NUMB: variants seen among roughly 807,000 people sequenced by gnomAD.
The protein encoded by NUMB is NUMB endocytic adaptor protein, also known as protein numb homolog.
NUMB carries 29 observed loss-of-function variants against 59.7 expected under a neutral mutation model. That is an observed-to-expected ratio of 0.49 (90% CI 0.36 to 0.66). The LOEUF (loss-of-function observed/expected upper bound fraction) is 0.66. Among genes scored for constraint, NUMB ranks in the 30% least tolerant of loss-of-function variants. NUMB has a pLI of 0.00. For missense variants in NUMB, 723 were observed against 822.0 expected, an observed-to-expected ratio of 0.88 and a Z score of 1.47; for synonymous variants, 288 against 288.2, an observed-to-expected ratio of 1.00 and a Z score of 0.01.
chr14:73,416,994 C>G (rs569229304), intron 1 of NUMB, among the ~76,000 whole-genome samples: 221 of 151,764 alleles, frequency 1.5e-3, no homozygotes, highest in African/African-American at 5.1e-3. Flanking sequence ...AATGGCATGG[C>G]AGAGGAGAAG....
intron 1 of NUMB, among the ~76,000 whole-genome samples, chr14:73,427,049 CAG>C (rs1466959726): frequency 2.0e-5 from 3 of 152,122 alleles, no homozygotes; most frequent in African/African-American, 7.2e-5. Context: ...AAAGACAAGA[CAG>C]AGTCTGCCAG....
At chr14:73,374,856 G>GATTA (rs1390138460) in intron 2 of NUMB, among the ~76,000 whole-genome samples, 1 of 151,566 alleles carries the variant, frequency 6.6e-6, no homozygotes, top group Non-Finnish European at 1.5e-5. Flanking sequence ...GAATAGCTGG[G>GATTA]ATTACAGGCG....
At chr14:73,301,088 T>C (rs1035458586) in intron 6 of NUMB, among the ~76,000 whole-genome samples, 4 of 152,234 alleles carry the variant, frequency 2.6e-5, no homozygotes, top group African/African-American at 9.6e-5. Context: ...TTCACTGCTG[T>C]ATCCCTGGAA....
intron 2 of NUMB, among the ~76,000 whole-genome samples, chr14:73,406,973 CT>C (rs1896702263): frequency 6.6e-6 from 1 of 152,062 alleles, no homozygotes; most frequent in Non-Finnish European, 1.5e-5. Context: ...TCCAGAGTAG[CT>C]GGGGTTACAG....
chr14:73,337,832 C>T (rs894821209), intron 4 of NUMB, among the ~76,000 whole-genome samples: 1 of 152,110 alleles, frequency 6.6e-6, no homozygotes, highest in African/African-American at 2.4e-5. Context: ...ATTTTTATAA[C>T]AGCAATAAGC....
chr14:73,418,685 C>T (rs746806710), intron 1 of NUMB, among the ~76,000 whole-genome samples: 11 of 151,938 alleles, frequency 7.2e-5, no homozygotes, highest in Non-Finnish European at 1.3e-4. Flanking sequence ...ACAAGAGAAT[C>T]GCTTGAACCC....
rs545730711 is a variant in NUMB, at chr14:73,277,855, C to T, written c.1241-562G>A. ...GGCAGATCACCTGAGGTCAAGAGAT[C>T]GAGACTATCCTGGCCAACATGGTGA... On this transcript the variant is annotated intron_variant, in intron 12 of 12. Coordinates refer to ENST00000555238, the MANE Select transcript of NUMB (RefSeq NM_001005743.2). Among the ~76,000 whole-genome samples, 26 of 151,922 alleles carry T rather than the reference C, an allele frequency of 1.7e-4. No homozygotes were observed. The East Asian group carries it at 3.5e-3, about 20-fold the overall frequency.
Position 73,355,551 on chromosome 14 carries a change from TA to T in NUMB, c.126+74del, listed in dbSNP as rs745899264. The T allele has an allele frequency of 1.7e-4, 231 of 1,360,402 alleles. 2 individuals carry two copies. Among genetic ancestry groups the T allele is most frequent in the Non-Finnish European group, 1.7e-4 (171 of 1,011,218 alleles). 84.3% of individuals were successfully genotyped at this position (1,360,402 alleles called of 1,614,324 possible). The stretch of plus-strand genomic sequence containing the variant: ...TTTGGAAGACTCTCTTAATTGTCCT[TA>T]TTAATGAGATTTCACATACACTAGA... On this transcript the variant is annotated intron_variant, in intron 4 of 12. Transcript: ENST00000555238.
chr14:73,287,831 T>C (rs1889119590), intron 8 of NUMB, among the ~76,000 whole-genome samples: 1 of 152,244 alleles, frequency 6.6e-6, no homozygotes, highest in Non-Finnish European at 1.5e-5. Context: ...GGTAAAGTGA[T>C]AACCAGCAAC....
At chr14:73,281,425 T>A (rs1888629237) in intron 11 of NUMB, 3 of 152,184 alleles carry the variant, frequency 2.0e-5, no homozygotes, top group Non-Finnish European at 1.5e-5. Context: ...TTGGTACACA[T>A]GACTATGAAG....
At chr14:73,315,335 T>C (rs2139900488) in intron 6 of NUMB, among the ~76,000 whole-genome samples, 1 of 152,284 alleles carries the variant, frequency 6.6e-6, no homozygotes, top group East Asian at 1.9e-4. Flanking sequence ...GACAGTATTT[T>C]TCTCTCATAC....
intron 2 of NUMB, among the ~76,000 whole-genome samples, chr14:73,404,581 G>A (rs1296285680): frequency 6.6e-6 from 1 of 152,146 alleles, no homozygotes. Flanking sequence ...ATCAGTGGGG[G>A]ATATACAGAT....
chr14:73,435,261 T>C (rs943531286), intron 1 of NUMB, among the ~76,000 whole-genome samples: 1 of 147,850 alleles, frequency 6.8e-6, no homozygotes, highest in Non-Finnish European at 1.5e-5. Context: ...GGAGAACCAT[T>C]TGGCAATTAC....
chr14:73,299,408 CTG>C (rs1889972276), intron 6 of NUMB: 1 of 152,108 alleles, frequency 6.6e-6, no homozygotes, highest in Non-Finnish European at 1.5e-5. Context: ...AGAGCAAAAA[CTG>C]AGGTTTCCTG....
At chr14:73,335,814 A>T (rs1892279354) in intron 4 of NUMB, among the ~76,000 whole-genome samples, 2 of 152,236 alleles carry the variant, frequency 1.3e-5, no homozygotes, top group Admixed American at 6.5e-5. Flanking sequence ...AGTTATAAGG[A>T]GCTTTACAGC....
At chr14:73,338,829 T>G (rs1472908041) in intron 4 of NUMB, among the ~76,000 whole-genome samples, 1 of 152,232 alleles carries the variant, frequency 6.6e-6, no homozygotes, top group Non-Finnish European at 1.5e-5. Context: ...GGACTTTCAC[T>G]TAGAAACTTA....
Position 73,277,156 on chromosome 14 carries a change from C to G in NUMB, c.1378G>C (p.Ala460Pro). ...SVRAQQPQAS[A>P]APLQPVLQPP... ...TGGAGAACTGGCTGCAGAGGAGCAG[C>G]TGAGGCCTGGGGCTGCTGAGCCCGG... is the stretch of plus-strand genomic sequence containing the variant. The change falls in exon 13 of 13, where the codon GCT becomes CCT. Residue 460 changes from alanine to proline, a missense_variant. Ala to Pro is a conservative substitution (Grantham distance 27). Transcript: ENST00000555238. 6.2e-7 allele frequency: 1 copy of G among 1,613,970 alleles called. No individual in the cohort carries two copies.
intron 12 of NUMB, 52 bp from the exon 13 acceptor site, chr14:73,277,345 C>T: frequency 7.5e-7 from 1 of 1,340,074 alleles, no homozygotes; most frequent in South Asian, 1.4e-5. Flanking sequence ...CATCTTTCCT[C>T]ACCTTATAAT....
At chr14:73,311,774 A>C (rs1400810794) in intron 6 of NUMB, among the ~76,000 whole-genome samples, 1 of 152,202 alleles carries the variant, frequency 6.6e-6, no homozygotes, top group Non-Finnish European at 1.5e-5. Context: ...ACTGGATAAA[A>C]ACTCCGTAAC....
Sources: gnomAD v4.1 joint callset for allele counts (sites outside exome capture counted in the v4.1 genomes callset) on GRCh38, gnomAD v4.1.1 for gene constraint, MANE v1.5 for transcripts, NCBI Gene and HGNC (gene_info 2026-07-23, HGNC 2026-07-21) for gene names.